Variants in GRID2 observed in about 807,000 individuals in gnomAD.
GRID2 encodes glutamate ionotropic receptor delta type subunit 2, also known as glutamate receptor ionotropic, delta-2.
Under a neutral mutation model 114.8 loss-of-function variants are expected in GRID2, and 33 were observed. The observed-to-expected ratio is 0.29, with a 90% CI of 0.22 to 0.38. GRID2 has a LOEUF of 0.38. Ranked by LOEUF, GRID2 falls within the 10% of genes least tolerant of loss-of-function variation. The probability of loss-of-function intolerance (pLI) is 1.00; values close to 1 mark genes in which losing one functional copy is unlikely to be tolerated. For synonymous variants in GRID2, 505 were observed against 449.9 expected, an observed-to-expected ratio of 1.12 and a Z score of -1.55; for missense variants, 1,184 against 1,257.7, an observed-to-expected ratio of 0.94 and a Z score of 0.89.
intron 14 of GRID2, among the ~76,000 whole-genome samples, chr4:93,732,596 A>G (rs1014344463): frequency 2.0e-5 from 3 of 152,078 alleles, no homozygotes; most frequent in Non-Finnish European, 2.9e-5. Context: ...TTTTAATGTT[A>G]TAACTCAACT....
At chr4:93,183,175 A>C (rs1031624121) in intron 4 of GRID2, among the ~76,000 whole-genome samples, 7 of 151,766 alleles carry the variant, frequency 4.6e-5, no homozygotes, top group African/African-American at 1.7e-4. Context: ...TAATATCTCA[A>C]TTTTCACTGA....
chr4:93,488,468 G>T (rs1205273103), intron 11 of GRID2, among the ~76,000 whole-genome samples: 1 of 151,802 alleles, frequency 6.6e-6, no homozygotes, highest in African/African-American at 2.4e-5. Flanking sequence ...GGGAACTCGT[G>T]GTTGTAATTA....
At chr4:93,138,099 A>G (rs532772985) in intron 4 of GRID2, among the ~76,000 whole-genome samples, 5 of 148,568 alleles carry the variant, frequency 3.4e-5, no homozygotes, top group South Asian at 4.3e-4. Context: ...GAGCCCCCCA[A>G]GTAACTGAGG....
In GRID2 at chr4:93,042,120, G is replaced by T. The variant is rs373034172; in HGVS notation, c.245-42875G>T. ...GGGTTTCACCGTGTTAGCCAGGATG[G>T]TCTCAATCTTCTGACCTCGTGATCT... is the stretch of plus-strand genomic sequence containing the variant. On this transcript the variant is annotated intron_variant, in intron 2 of 15. Transcript: ENST00000282020. Among the ~76,000 whole-genome samples, 11 of 151,960 alleles carry T rather than the reference G, an allele frequency of 7.2e-5. No homozygotes were observed. The East Asian group carries it at 9.7e-4, about 13-fold the overall frequency.
At chr4:92,600,033 T>TATATATAAATATAA (rs1285906632) in intron 2 of GRID2, among the ~76,000 whole-genome samples, 1 of 73,844 alleles carries the variant, frequency 1.4e-5, no homozygotes, top group Non-Finnish European at 2.7e-5. Context: ...TATGTGTGTG[T>TATATATAAATATAA]GTGTGTGTGT....
chr4:92,452,491 T>C (rs1033576482), intron 1 of GRID2, among the ~76,000 whole-genome samples: 2 of 152,064 alleles, frequency 1.3e-5, no homozygotes, highest in Non-Finnish European at 2.9e-5. Context: ...GATTTTTGTA[T>C]TCTTAGTAGA....
At chr4:92,828,365 A>C (rs761111296) in intron 2 of GRID2, among the ~76,000 whole-genome samples, 5 of 152,106 alleles carry the variant, frequency 3.3e-5, no homozygotes, top group Non-Finnish European at 5.9e-5. Context: ...TTAGTAAATT[A>C]ATAGTTTTAA....
intron 2 of GRID2, among the ~76,000 whole-genome samples, chr4:92,765,151 C>A (rs1738200321): frequency 6.6e-6 from 1 of 152,230 alleles, no homozygotes; most frequent in Non-Finnish European, 1.5e-5. Context: ...CTCACACTTT[C>A]AATTTTATAC....
intron 2 of GRID2, among the ~76,000 whole-genome samples, chr4:92,630,491 C>A (rs1274430090): frequency 6.6e-6 from 1 of 152,134 alleles, no homozygotes; most frequent in Non-Finnish European, 1.5e-5. Context: ...GCCTTTGCTA[C>A]ATATGAAAGC....
At chr4:92,405,573 T>A (rs1259190299) in intron 1 of GRID2, among the ~76,000 whole-genome samples, 1 of 152,114 alleles carries the variant, frequency 6.6e-6, no homozygotes, top group South Asian at 2.1e-4. Flanking sequence ...TTATATTTGT[T>A]TTCTTAAATT....
chr4:92,851,268 A>G (rs1197167400), intron 2 of GRID2, among the ~76,000 whole-genome samples: 1 of 151,936 alleles, frequency 6.6e-6, no homozygotes, highest in African/African-American at 2.4e-5. Flanking sequence ...AGAAAGTATG[A>G]TTTTTTTACT....
chr4:93,173,853 A>ACTT (rs1560952082), intron 4 of GRID2, among the ~76,000 whole-genome samples: 1 of 152,126 alleles, frequency 6.6e-6, no homozygotes, highest in Non-Finnish European at 1.5e-5. Flanking sequence ...CCTGTCTCTA[A>ACTT]CTTCTGAGTT....
chr4:93,402,451 A>AT (rs1179792779), intron 9 of GRID2, among the ~76,000 whole-genome samples: 1 of 152,194 alleles, frequency 6.6e-6, no homozygotes, highest in Non-Finnish European at 1.5e-5. Flanking sequence ...CAGTAAAACT[A>AT]TGATGTGTAA....
At position 93,110,967 on chromosome 4, in the gene GRID2, G is replaced by T. The variant is rs375596791; in HGVS notation, c.735+14G>T. On this transcript the variant is annotated intron_variant, in intron 4 of 15. Coordinates refer to ENST00000282020, the MANE Select transcript of GRID2 (RefSeq NM_001510.4). ...TTCATTACTGAGGTAAGTGAAAATT[G>T]TCTTGGGGTGAGAGTTGTACAAAAC... 8.5e-6 allele frequency: 13 copies of T among 1,537,988 alleles called. No individual in the cohort carries two copies. In the African/African-American group the frequency reaches 1.6e-4, roughly 19 times the overall value.
At chr4:93,716,873 G>A (rs755364993) in intron 14 of GRID2, among the ~76,000 whole-genome samples, 1 of 151,900 alleles carries the variant, frequency 6.6e-6, no homozygotes, top group East Asian at 1.9e-4. Context: ...CAAAGAAAGG[G>A]TCTCTAGATC....
At chr4:92,400,194 A>G (rs182628753) in intron 1 of GRID2, among the ~76,000 whole-genome samples, 2 of 152,276 alleles carry the variant, frequency 1.3e-5, no homozygotes, top group East Asian at 3.9e-4. Flanking sequence ...TACCACAGCT[A>G]TTTAATGGTA....
chr4:92,408,431 CTTTTTTTTTTT>C (rs35638036), intron 1 of GRID2, among the ~76,000 whole-genome samples: 11 of 19,426 alleles, frequency 5.7e-4, no homozygotes, highest in South Asian at 1.3e-3. Flanking sequence ...TATTCAAGCT[CTTTTTTTTTTT>C]TTTTTTTTTT....
intron 1 of GRID2, among the ~76,000 whole-genome samples, chr4:92,550,769 A>G (rs947552974): frequency 6.2e-4 from 95 of 152,306 alleles, no homozygotes; most frequent in African/African-American, 2.2e-3. Flanking sequence ...ATAAATTGCA[A>G]AGTCTGAAAA....
At chr4:92,597,494 T>C (rs1263792849) in intron 2 of GRID2, among the ~76,000 whole-genome samples, 2 of 152,176 alleles carry the variant, frequency 1.3e-5, no homozygotes, top group African/African-American at 4.8e-5. Context: ...TCTGTTGTGT[T>C]ACCTCATAAA....
Sources: gnomAD v4.1 joint callset for allele counts (sites outside exome capture counted in the v4.1 genomes callset) on GRCh38, gnomAD v4.1.1 for gene constraint, MANE v1.5 for transcripts, NCBI Gene and HGNC (gene_info 2026-07-23, HGNC 2026-07-21) for gene names.